GALNT18: variants seen among roughly 807,000 people sequenced by gnomAD.
GALNT18 encodes GalNAc-transferase 18.
GALNT18 carries 44 observed loss-of-function variants against 69.5 expected under a neutral mutation model. That is an observed-to-expected ratio of 0.63 (90% CI 0.50 to 0.81). The LOEUF is 0.81. Ranked by LOEUF, GALNT18 falls within the 40% of genes least tolerant of loss-of-function variation. The pLI is 0.00. For synonymous variants in GALNT18, 364 were observed against 318.2 expected, an observed-to-expected ratio of 1.14 and a Z score of -1.53; for missense variants, 715 against 810.0, an observed-to-expected ratio of 0.88 and a Z score of 1.42.
chr11:11,582,560 T>A lies in GALNT18; in HGVS notation c.235+38799A>T, dbSNP rs367721395. ...ACTTACAGCTATTGTTCTCTTTTCC[T>A]CTGCCACAAGATGGAAACAATAGCT... On this transcript the variant is annotated intron_variant, in intron 1 of 10. Transcript: ENST00000227756. The surrounding 1 kb of genome is among the most constrained non-coding windows in gnomAD (Gnocchi z 5.0). Among the ~76,000 whole-genome samples, 1 of 152,246 alleles carries A rather than the reference T, an allele frequency of 6.6e-6. No individual in the cohort carries two copies. The highest frequency in any genetic ancestry group is 6.5e-5 in the Admixed American group (1 of 15,290).
At chr11:11,489,943 C>A in intron 1 of GALNT18, among the ~76,000 whole-genome samples, 1 of 152,138 alleles carries the variant, frequency 6.6e-6, no homozygotes, top group East Asian at 1.9e-4. Flanking sequence ...CTGACCACTA[C>A]TCTATACTGC....
rs1290327266 is a variant in GALNT18 at position 11,602,231 on chromosome 11, G to C, written c.235+19128C>G. On this transcript the variant is annotated intron_variant, in intron 1 of 10. Coordinates refer to ENST00000227756, the MANE Select transcript of GALNT18 (RefSeq NM_198516.3). The surrounding 1 kb of genome is among the most constrained non-coding windows in gnomAD (Gnocchi z 4.7). The stretch of plus-strand genomic sequence containing the variant: ...GGAGATGGTAGTCACTGATCTTCTT[G>C]AATTGTCTCTCCTGTTATGAAACCT... Among the ~76,000 whole-genome samples, 1 of 152,150 alleles carries C rather than the reference G, an allele frequency of 6.6e-6. No individual in the cohort carries two copies. Among genetic ancestry groups the C allele is most frequent in the African/African-American group, 2.4e-5 (1 of 41,436 alleles).
Position 11,594,286 on chromosome 11 carries a change from C to T in GALNT18, c.235+27073G>A, listed in dbSNP as rs185754726. Among the ~76,000 whole-genome samples the T allele has an allele frequency of 9.3e-4, 141 of 152,308 alleles. 1 individual carries two copies. The highest frequency in any genetic ancestry group is 1.6e-3 in the Admixed American group (24 of 15,306). On this transcript the variant is annotated intron_variant, in intron 1 of 10. Coordinates refer to ENST00000227756, the MANE Select transcript of GALNT18 (RefSeq NM_198516.3). ...TGAGTCAGTTCTTCACATTAACAAC[C>T]ACACATTATTTTTTAAGCTTTATTG...
rs1403994694 is a variant in GALNT18, at chr11:11,604,845, C to G, written c.235+16514G>C. On this transcript the variant is annotated intron_variant, in intron 1 of 10. Coordinates refer to ENST00000227756, the MANE Select transcript of GALNT18 (RefSeq NM_198516.3). The surrounding 1 kb of genome is among the most constrained non-coding windows in gnomAD (Gnocchi z 5.6). ...AGCTTCATTCCACTGGTCCCCCACA[C>G]CCCAAAGGCTACACAATCTGTTTGA... is the stretch of plus-strand genomic sequence containing the variant. Among the ~76,000 whole-genome samples the G allele has an allele frequency of 2.0e-5, 3 of 152,102 alleles. No homozygotes were observed. The highest frequency in any genetic ancestry group is 4.4e-5 in the Non-Finnish European group (3 of 68,016).
At chr11:11,571,810 T>C (rs867567941) in intron 1 of GALNT18, among the ~76,000 whole-genome samples, 1 of 152,212 alleles carries the variant, frequency 6.6e-6, no homozygotes, top group South Asian at 2.1e-4. Flanking sequence ...TGACCCTATG[T>C]CTGCATTTCC....
At chr11:11,364,755 T>G (rs540681557) in intron 6 of GALNT18, among the ~76,000 whole-genome samples, 214 of 152,346 alleles carry the variant, frequency 1.4e-3, no homozygotes, top group African/African-American at 4.7e-3. Context: ...AATAGCATTG[T>G]GGCCATGGTT....
chr11:11,293,389 A>G (rs1322894985), intron 9 of GALNT18, among the ~76,000 whole-genome samples, 196 bp from the exon 10 acceptor site: 1 of 152,226 alleles, frequency 6.6e-6, no homozygotes, highest in Non-Finnish European at 1.5e-5. Context: ...ATGATCCGGT[A>G]TAGTGTCTGG....
At chr11:11,343,400 C>G (rs2133059348) in intron 6 of GALNT18, among the ~76,000 whole-genome samples, 1 of 152,094 alleles carries the variant, frequency 6.6e-6, no homozygotes, top group South Asian at 2.1e-4. Context: ...AGGTCCCTTG[C>G]TCAAGAACAC....
At chr11:11,443,149 G>T (rs992517483) in intron 2 of GALNT18, among the ~76,000 whole-genome samples, 2 of 152,174 alleles carry the variant, frequency 1.3e-5, no homozygotes, top group African/African-American at 4.8e-5. Flanking sequence ...CAGAACTGGA[G>T]AGCACACATG....
intron 10 of GALNT18, among the ~76,000 whole-genome samples, chr11:11,287,941 T>TTATTA (rs1849223806): frequency 1.3e-5 from 2 of 152,176 alleles, no homozygotes; most frequent in Non-Finnish European, 2.9e-5. Flanking sequence ...CTGAAATGTC[T>TTATTA]CTCAAAGTCC....
rs1017160177 is a variant in GALNT18, at chr11:11,362,800, G to A, written c.1092+9715C>T. Among the ~76,000 whole-genome samples, 13 of 152,006 alleles carry A rather than the reference G, an allele frequency of 8.6e-5. No individual in the cohort carries two copies. In the East Asian group the frequency reaches 2.3e-3, roughly 27 times the overall value. On this transcript the variant is annotated intron_variant, in intron 6 of 10. Transcript: ENST00000227756. ...ATTTGATGATGTCTAGCAAAGTTAC[G>A]TATGCATTTACCCTTTGACTTCGCA...
chr11:11,611,409 G>A (rs1259241216), intron 1 of GALNT18, among the ~76,000 whole-genome samples: 1 of 152,226 alleles, frequency 6.6e-6, no homozygotes, highest in African/African-American at 2.4e-5. Context: ...AGGGGCTGTG[G>A]ACCCTCACCT....
rs1375136877 is a variant in GALNT18, at chr11:11,469,297, A to G, written c.236-20361T>C. 1.3e-5 allele frequency among the ~76,000 whole-genome samples: 2 copies of G among 152,240 alleles called. No homozygotes were observed. Among genetic ancestry groups the G allele is most frequent in the African/African-American group, 4.8e-5 (2 of 41,466 alleles). ...TTCCCAGGGACTTCACAGAGGGAGC[A>G]GATGAAAGGCATGGAGACAGCGCTG... On this transcript the variant is annotated intron_variant, in intron 1 of 10. Transcript: ENST00000227756. The surrounding 1 kb of genome is among the most constrained non-coding windows in gnomAD (Gnocchi z 4.2).
chr11:11,589,196 G>A (rs972926401), intron 1 of GALNT18, among the ~76,000 whole-genome samples: 4 of 152,156 alleles, frequency 2.6e-5, no homozygotes, highest in African/African-American at 7.2e-5. Context: ...AGGGGGCTGC[G>A]TTAGTTTGCA....
At chr11:11,508,702 G>A (rs1182409506) in intron 1 of GALNT18, among the ~76,000 whole-genome samples, 1 of 152,154 alleles carries the variant, frequency 6.6e-6, no homozygotes, top group Non-Finnish European at 1.5e-5. Context: ...TTTGGCACTG[G>A]TTAATGATAA....
intron 1 of GALNT18, among the ~76,000 whole-genome samples, chr11:11,519,348 G>GGA (rs2133925306): frequency 6.6e-6 from 1 of 152,338 alleles, no homozygotes; most frequent in South Asian, 2.1e-4. Flanking sequence ...AGGGGTCAAG[G>GGA]GAGAGAGTCC....
rs562111835 is a variant in GALNT18, at chr11:11,439,373, C to A, written c.429-6586G>T. Among the ~76,000 whole-genome samples the A allele has an allele frequency of 8.0e-4, 122 of 152,236 alleles. No homozygotes were observed. Among genetic ancestry groups the A allele is most frequent in the Middle Eastern group, 3.4e-3 (1 of 294 alleles). On this transcript the variant is annotated intron_variant, in intron 2 of 10. Transcript: ENST00000227756. The surrounding 1 kb of genome is among the most constrained non-coding windows in gnomAD (Gnocchi z 4.4). ...TTGTGTGATTGTGGGCCTTCATCAGCCTTCAAAAAATCCCAACCACCTGTG... is the reference window on the plus strand; with the variant it reads ...TTGTGTGATTGTGGGCCTTCATCAGACTTCAAAAAATCCCAACCACCTGTG...
chr11:11,620,641 T>C lies in GALNT18; in HGVS notation c.235+718A>G, dbSNP rs559498259. ...AGCCCAGGGCGTGTTCTTCCAGTCT[T>C]GGGCGGAGTCATCACCACAGTGGAC... is the stretch of plus-strand genomic sequence containing the variant. On this transcript the variant is annotated intron_variant, in intron 1 of 10. Transcript: ENST00000227756. The surrounding 1 kb of genome is among the most constrained non-coding windows in gnomAD (Gnocchi z 6.9). 3.1e-4 allele frequency among the ~76,000 whole-genome samples: 47 copies of C among 152,184 alleles called. No individual in the cohort carries two copies. In the East Asian group the frequency reaches 6.0e-3, roughly 20 times the overall value.
chr11:11,286,625 ATTTT>A (rs1554910092), intron 10 of GALNT18, among the ~76,000 whole-genome samples: 1 of 152,052 alleles, frequency 6.6e-6, no homozygotes, highest in East Asian at 1.9e-4. Flanking sequence ...AGATTTGTGA[ATTTT>A]TTTAAAAAGA....
Sources: gnomAD v4.1 joint callset for allele counts (sites outside exome capture counted in the v4.1 genomes callset) on GRCh38, gnomAD v4.1.1 for gene constraint, Gnocchi (gnomAD v3.1) non-coding constraint, MANE v1.5 for transcripts, NCBI Gene and HGNC (gene_info 2026-07-23, HGNC 2026-07-21) for gene names.